The following GPHN variants were observed in gnomAD, a reference collection of about 807,000 sequenced individuals.
GPHN encodes the protein gephyrin.
Under a neutral mutation model 95.5 loss-of-function variants are expected in GPHN, and 17 were observed. The ratio of observed to expected loss-of-function variants is 0.18; its 90% confidence interval spans 0.12 to 0.27. The LOEUF is 0.27. GPHN is among the 10% of genes least tolerant of loss of function. GPHN has a pLI of 1.00. For missense variants in GPHN, 660 were observed against 978.1 expected (o/e 0.67, Z 4.34); for synonymous variants, 320 against 322.5 (o/e 0.99, Z 0.08).
intron 5 of GPHN, among the ~76,000 whole-genome samples, chr14:66,890,012 A>G (rs1231309443): frequency 6.6e-6 from 1 of 152,194 alleles, no homozygotes; most frequent in East Asian, 1.9e-4. Context: ...AATAACCCAG[A>G]CGAAGTGGAC....
At chr14:67,653,594 G>T in the GPHN span, 2 of 1,109,890 alleles carry the variant, frequency 1.8e-6, no homozygotes, top group Non-Finnish European at 2.6e-6. Context: ...AGGGATATAT[G>T]TTGAAAAATT....
At chr14:67,403,460 A>C in the GPHN span, among the ~76,000 whole-genome samples, 1 of 152,198 alleles carries the variant, frequency 6.6e-6, no homozygotes, top group Non-Finnish European at 1.5e-5. Context: ...TTTTTGTCTG[A>C]CTGTATGGTC....
At chr14:67,013,334 C>T (rs1025939685) in intron 9 of GPHN, among the ~76,000 whole-genome samples, 2 of 151,920 alleles carry the variant, frequency 1.3e-5, no homozygotes. Flanking sequence ...TAGCTTTAAC[C>T]GATCTAATTA....
chr14:66,871,585 A>C (rs1314131995), intron 4 of GPHN, among the ~76,000 whole-genome samples: 1 of 152,200 alleles, frequency 6.6e-6, no homozygotes, highest in Non-Finnish European at 1.5e-5. Context: ...ATCATAACAG[A>C]TAGATTGGCT....
At chr14:66,730,640 C>G (rs1417313979) in intron 2 of GPHN, among the ~76,000 whole-genome samples, 1 of 152,072 alleles carries the variant, frequency 6.6e-6, no homozygotes, top group Non-Finnish European at 1.5e-5. Flanking sequence ...TTCAAGGCAT[C>G]TTGATCTGTG....
intron 1 of GPHN, among the ~76,000 whole-genome samples, chr14:66,617,894 A>G (rs185297842): frequency 5.3e-4 from 81 of 152,222 alleles, no homozygotes; most frequent in Non-Finnish European, 9.4e-4. Context: ...ACTGGCTTTA[A>G]TGTGCTAATT....
intron 17 of GPHN, among the ~76,000 whole-genome samples, chr14:67,137,282 A>C (rs1460539724): frequency 6.6e-6 from 1 of 151,508 alleles, no homozygotes; most frequent in Non-Finnish European, 1.5e-5. Flanking sequence ...AGTAGCTGGG[A>C]CTACAGGTGC....
downstream of GPHN, among the ~76,000 whole-genome samples, chr14:67,183,099 T>A (rs1411212510): frequency 6.6e-6 from 1 of 152,118 alleles, no homozygotes; most frequent in Non-Finnish European, 1.5e-5. Context: ...GACAGGTAAT[T>A]AATGATAATT....
the GPHN span, among the ~76,000 whole-genome samples, chr14:67,315,512 G>A: frequency 1.3e-5 from 2 of 151,986 alleles, no homozygotes; most frequent in South Asian, 2.1e-4. Flanking sequence ...TCCTGACCTC[G>A]TGATCTGCCC....
intron 4 of GPHN, among the ~76,000 whole-genome samples, chr14:66,863,095 C>A (rs1364825679): frequency 2.6e-5 from 4 of 151,412 alleles, no homozygotes; most frequent in Non-Finnish European, 4.4e-5. Context: ...CTCCACCAAA[C>A]AACTATTAGA....
the GPHN span, among the ~76,000 whole-genome samples, chr14:67,424,338 C>A: frequency 2.6e-5 from 4 of 151,732 alleles, no homozygotes; most frequent in Non-Finnish European, 5.9e-5. Context: ...ATGAAGTGTG[C>A]CAGGCACAGT....
chr14:66,973,603 C>A (rs1340677369), intron 9 of GPHN, among the ~76,000 whole-genome samples: 2 of 152,018 alleles, frequency 1.3e-5, no homozygotes, highest in Non-Finnish European at 2.9e-5. Context: ...ACTAAAAATA[C>A]AAAAATTTAG....
chr14:66,593,033 ATAAC>A (rs766299692), intron 1 of GPHN, among the ~76,000 whole-genome samples: 19 of 152,122 alleles, frequency 1.2e-4, no homozygotes, highest in Non-Finnish European at 2.2e-4. Context: ...TCATTCTCAG[ATAAC>A]TAACACAGAA....
chr14:67,326,450 A>G, the GPHN span, among the ~76,000 whole-genome samples: 1 of 151,750 alleles, frequency 6.6e-6, no homozygotes, highest in Non-Finnish European at 1.5e-5. Flanking sequence ...TTGATTTTCT[A>G]ATTAGAACTT....
chr14:66,731,945 G>C (rs1169425567), intron 2 of GPHN, among the ~76,000 whole-genome samples: 1 of 152,242 alleles, frequency 6.6e-6, no homozygotes, highest in African/African-American at 2.4e-5. Flanking sequence ...TTGCTTCAGA[G>C]GGTGCAAGCC....
At chr14:67,177,330 T>C (rs538259264) in intron 21 of GPHN, among the ~76,000 whole-genome samples, 34 of 152,348 alleles carry the variant, frequency 2.2e-4, no homozygotes, top group Middle Eastern at 3.4e-3. Context: ...TTCATTTCAT[T>C]ATTTACCCAG....
chr14:67,460,792 T>C, the GPHN span, among the ~76,000 whole-genome samples: 1 of 152,206 alleles, frequency 6.6e-6, no homozygotes, highest in Non-Finnish European at 1.5e-5. Context: ...TGTTTGACTA[T>C]GGGGTGCTGA....
the GPHN span, among the ~76,000 whole-genome samples, chr14:67,504,476 T>C: frequency 6.6e-6 from 1 of 152,200 alleles, no homozygotes; most frequent in African/African-American, 2.4e-5. Context: ...TTTTTTTCAG[T>C]TATATATGTA....
chr14:66,530,163 G>C (rs1212626221), intron 1 of GPHN, among the ~76,000 whole-genome samples: 2 of 152,160 alleles, frequency 1.3e-5, no homozygotes, highest in Non-Finnish European at 2.9e-5. Context: ...GAGGATTCTA[G>C]AGAGGCAGTC....
Sources: gnomAD v4.1 joint callset for allele counts (sites outside exome capture counted in the v4.1 genomes callset) on GRCh38, gnomAD v4.1.1 for gene constraint, MANE v1.5 for transcripts, NCBI Gene and HGNC (gene_info 2026-07-23, HGNC 2026-07-21) for gene names.